Variants in GALNT13 observed in about 807,000 individuals in gnomAD.
The protein encoded by GALNT13 is polypeptide N-acetylgalactosaminyltransferase 13, also known as UDP-GalNAc:polypeptide N-acetylgalactosaminyltransferase 13.
Under a neutral mutation model 64.2 loss-of-function variants are expected in GALNT13, and 28 were observed. The ratio of observed to expected loss-of-function variants is 0.44; its 90% CI spans 0.32 to 0.60. The LOEUF (loss-of-function observed/expected upper bound fraction) is 0.60. GALNT13 is among the 20% of genes least tolerant of loss of function. GALNT13 has a pLI of 0.05. For synonymous variants in GALNT13, 214 were observed against 224.6 expected, an observed-to-expected ratio of 0.95 and a Z score of 0.42; for missense variants, 577 against 669.8, an observed-to-expected ratio of 0.86 and a Z score of 1.53.
At chr2:153,425,401 C>T in the GALNT13 span, among the ~76,000 whole-genome samples, 1 of 151,610 alleles carries the variant, frequency 6.6e-6, no homozygotes, top group Non-Finnish European at 1.5e-5. Context: ...CTGAAAACTA[C>T]ATATGAAAAC....
intron 11 of GALNT13, 44 bp from the exon 12 acceptor site, chr2:154,438,548 T>G (rs1701114072): frequency 1.3e-6 from 2 of 1,502,264 alleles, no homozygotes; most frequent in Non-Finnish European, 1.8e-6. Context: ...ATTGTGACAT[T>G]TTAAAACATA....
the GALNT13 span, among the ~76,000 whole-genome samples, chr2:153,142,924 C>T: frequency 6.6e-6 from 1 of 151,924 alleles, no homozygotes; most frequent in East Asian, 1.9e-4. Context: ...GTTTTGCAGG[C>T]TGTGGAGCAG....
the GALNT13 span, among the ~76,000 whole-genome samples, chr2:153,214,617 T>C: frequency 5.3e-5 from 8 of 152,304 alleles, no homozygotes; most frequent in South Asian, 1.7e-3. Flanking sequence ...TCTCTTTTAA[T>C]AGTTATAATG....
intron 3 of GALNT13, among the ~76,000 whole-genome samples, chr2:154,125,304 T>C (rs1251908180): frequency 6.6e-6 from 1 of 152,116 alleles, no homozygotes; most frequent in African/African-American, 2.4e-5. Flanking sequence ...GGTAGAGCTA[T>C]GGAATATGTT....
At chr2:153,917,975 C>T (rs1015217859) in intron 2 of GALNT13, among the ~76,000 whole-genome samples, 48 of 150,414 alleles carry the variant, frequency 3.2e-4, no homozygotes, top group Middle Eastern at 3.4e-3. Flanking sequence ...TGGATTTCTA[C>T]TTCCTTCTCT....
the GALNT13 span, among the ~76,000 whole-genome samples, chr2:153,288,407 A>C: frequency 1.9e-3 from 296 of 152,326 alleles, 2 homozygotes; most frequent in African/African-American, 6.9e-3. Flanking sequence ...TCTGAAAATA[A>C]ATTTAAAATT....
At chr2:154,052,931 G>T (rs1358218844) in intron 3 of GALNT13, among the ~76,000 whole-genome samples, 2 of 151,832 alleles carry the variant, frequency 1.3e-5, no homozygotes, top group South Asian at 2.1e-4. Flanking sequence ...TAGAGAGGGG[G>T]TTTCACCATG....
At chr2:153,398,101 T>A in the GALNT13 span, among the ~76,000 whole-genome samples, 6 of 118,884 alleles carry the variant, frequency 5.0e-5, no homozygotes, top group African/African-American at 1.9e-4. Flanking sequence ...GTCCCCAGAG[T>A]GTGATATTCC....
chr2:153,952,980 T>C (rs529599516), intron 3 of GALNT13, among the ~76,000 whole-genome samples: 19 of 152,312 alleles, frequency 1.2e-4, no homozygotes, highest in South Asian at 1.0e-3. Flanking sequence ...TGCCTGCTTT[T>C]ATCCTAACCA....
At chr2:153,522,014 T>C in the GALNT13 span, among the ~76,000 whole-genome samples, 1 of 152,094 alleles carries the variant, frequency 6.6e-6, no homozygotes, top group South Asian at 2.1e-4. Flanking sequence ...CTGTATGCAT[T>C]TTTTTGTATG....
intron 3 of GALNT13, among the ~76,000 whole-genome samples, chr2:154,130,554 A>T (rs540908020): frequency 5.3e-5 from 8 of 152,232 alleles, no homozygotes; most frequent in South Asian, 2.1e-4. Context: ...AGATATATAT[A>T]TTTTTTACTT....
At chr2:154,013,497 G>A (rs1160468376) in intron 3 of GALNT13, among the ~76,000 whole-genome samples, 2 of 152,206 alleles carry the variant, frequency 1.3e-5, no homozygotes, top group African/African-American at 4.8e-5. Context: ...TGGCCTTGCA[G>A]TGGAGTGCTT....
At chr2:154,181,061 G>A (rs977851014) in intron 4 of GALNT13, among the ~76,000 whole-genome samples, 1 of 152,120 alleles carries the variant, frequency 6.6e-6, no homozygotes, top group Non-Finnish European at 1.5e-5. Context: ...TTTTCACAGG[G>A]CCAACTGATA....
At chr2:153,509,075 C>T in the GALNT13 span, among the ~76,000 whole-genome samples, 2 of 152,144 alleles carry the variant, frequency 1.3e-5, no homozygotes, top group African/African-American at 4.8e-5. Context: ...AGGGAAGTGT[C>T]TTGTGGTTAT....
chr2:153,935,430 G>T (rs1455889431), intron 2 of GALNT13, among the ~76,000 whole-genome samples: 1 of 152,142 alleles, frequency 6.6e-6, no homozygotes, highest in Non-Finnish European at 1.5e-5. Flanking sequence ...CATTACATTG[G>T]TCTGATTAAG....
At chr2:153,630,158 A>C in the GALNT13 span, among the ~76,000 whole-genome samples, 5 of 151,822 alleles carry the variant, frequency 3.3e-5, no homozygotes, top group Non-Finnish European at 5.9e-5. Flanking sequence ...GTATATACCC[A>C]AAGGATTATA....
the GALNT13 span, among the ~76,000 whole-genome samples, chr2:153,597,710 T>C: frequency 7.2e-5 from 11 of 152,218 alleles, no homozygotes; most frequent in East Asian, 1.9e-3. Flanking sequence ...AGAAAATGTT[T>C]GCAAATCATA....
the GALNT13 span, among the ~76,000 whole-genome samples, chr2:153,267,701 T>C: frequency 3.1e-4 from 47 of 152,174 alleles, no homozygotes; most frequent in Non-Finnish European, 2.8e-4. Context: ...ATCTCTGATA[T>C]GCCCTGGAGG....
the GALNT13 span, among the ~76,000 whole-genome samples, chr2:153,377,125 CG>C: frequency 5.8e-4 from 88 of 152,014 alleles, no homozygotes; most frequent in African/African-American, 1.9e-3. Context: ...GAAGAGATAC[CG>C]GGGATGTACA....
Sources: gnomAD v4.1 joint callset for allele counts (sites outside exome capture counted in the v4.1 genomes callset) on GRCh38, gnomAD v4.1.1 for gene constraint, MANE v1.5 for transcripts, NCBI Gene and HGNC (gene_info 2026-07-23, HGNC 2026-07-21) for gene names.